The following PRKN variants were observed in gnomAD, a reference collection of about 807,000 sequenced individuals.
The protein encoded by PRKN is parkin RBR E3 ubiquitin protein ligase, also known as E3 ubiquitin-protein ligase parkin.
PRKN carries 56 observed loss-of-function variants against 59.5 expected under a neutral mutation model. The observed-to-expected ratio is 0.94, with a 90% CI of 0.76 to 1.18. PRKN has a LOEUF of 1.18. Ranked by LOEUF, PRKN falls within the 50% of genes most tolerant of loss-of-function variation. PRKN has a pLI of 0.00. For synonymous variants in PRKN, 250 were observed against 222.1 expected (o/e 1.13, Z -1.12); for missense variants, 657 against 596.4 (o/e 1.10, Z -1.06).
At chr6:162,635,130 G>T (rs1219184014) in intron 1 of PRKN, among the ~76,000 whole-genome samples, 1 of 152,088 alleles carries the variant, frequency 6.6e-6, no homozygotes, top group African/African-American at 2.4e-5. Flanking sequence ...ACAGTCCTGG[G>T]TGCTCACAAG....
rs879814492 is a variant in PRKN, at chr6:162,235,990, AAAG to A, written c.412+26532_412+26534del. Reference sequence around the variant, plus strand: ...GAAAGAAAGAAAGAAAGAAAGAAAGAAAGAAAGAAAGAAAGAAAGAAAGAAAGA... The same window carrying A: ...GAAAGAAAGAAAGAAAGAAAGAAAGAAAAGAAAGAAAGAAAGAAAGAAAGA... On this transcript the variant is annotated intron_variant, in intron 3 of 11. Coordinates refer to ENST00000366898, the MANE Select transcript of PRKN (RefSeq NM_004562.3). 0.016 allele frequency among the ~76,000 whole-genome samples: 1,751 copies of A among 108,300 alleles called. 38 individuals carry two copies. The East Asian group carries it at 0.17, about 11-fold the overall frequency. The allele number at this position is 108,300 out of a possible 152,430, so 71.0% of individuals were successfully genotyped here. A position where few individuals can be genotyped will look rare whatever the true frequency, so the allele number is the denominator to read the frequency against.
At chr6:161,443,230 A>G (rs1225025775) in intron 9 of PRKN, among the ~76,000 whole-genome samples, 1 of 151,662 alleles carries the variant, frequency 6.6e-6, no homozygotes, top group Non-Finnish European at 1.5e-5. Flanking sequence ...GAATTGCTTG[A>G]ACCTGGGAGG....
chr6:161,620,157 AT>A (rs1226074668), intron 7 of PRKN, among the ~76,000 whole-genome samples: 503 of 135,560 alleles, frequency 3.7e-3, no homozygotes, highest in Middle Eastern at 8.1e-3. Flanking sequence ...TGCCCAGCTA[AT>A]TTTTTTTTTT....
chr6:161,991,990 C>A (rs1289907762), intron 5 of PRKN, among the ~76,000 whole-genome samples: 1 of 151,910 alleles, frequency 6.6e-6, no homozygotes, highest in South Asian at 2.1e-4. Flanking sequence ...CAAAAGTGGA[C>A]AATAGTAGCT....
chr6:161,709,175 T>C (rs7772203), intron 7 of PRKN, among the ~76,000 whole-genome samples: 60,745 of 152,008 alleles, frequency 0.4, 12,851 homozygotes, highest in Admixed American at 0.59. Context: ...AAAAATAAAA[T>C]AGTAATCCAA....
At chr6:161,693,599 T>C (rs1373717782) in intron 7 of PRKN, among the ~76,000 whole-genome samples, 1 of 152,220 alleles carries the variant, frequency 6.6e-6, no homozygotes, top group Non-Finnish European at 1.5e-5. Flanking sequence ...AGAAACCCTC[T>C]CATTTCTTTC....
At chr6:162,332,771 C>G (rs971416777) in intron 2 of PRKN, among the ~76,000 whole-genome samples, 8 of 152,098 alleles carry the variant, frequency 5.3e-5, no homozygotes, top group Non-Finnish European at 1.2e-4. Context: ...GCACCAACAT[C>G]CACGACAGCC....
intron 1 of PRKN, among the ~76,000 whole-genome samples, chr6:162,546,266 G>A (rs957418866): frequency 6.6e-6 from 1 of 151,844 alleles, no homozygotes; most frequent in African/African-American, 2.4e-5. Flanking sequence ...ACCAGGCCCA[G>A]CTAAATTTGT....
At chr6:162,615,258 T>C (rs1202622287) in intron 1 of PRKN, among the ~76,000 whole-genome samples, 1 of 152,204 alleles carries the variant, frequency 6.6e-6, no homozygotes, top group African/African-American at 2.4e-5. Flanking sequence ...GTTCTATGTT[T>C]TGGCTTATTT....
chr6:162,039,258 T>A (rs1783969531), intron 5 of PRKN, among the ~76,000 whole-genome samples: 1 of 152,206 alleles, frequency 6.6e-6, no homozygotes, highest in African/African-American at 2.4e-5. Context: ...GAATGAACTC[T>A]CTTTCAAGAT....
chr6:162,242,271 G>A (rs992840607), intron 3 of PRKN, among the ~76,000 whole-genome samples: 5 of 152,054 alleles, frequency 3.3e-5, no homozygotes, highest in African/African-American at 1.2e-4. Context: ...TCCAGGAGGT[G>A]CGGGTCCCTT....
At chr6:161,946,412 A>ACTCTCTCT (rs1397205372) in intron 6 of PRKN, among the ~76,000 whole-genome samples, 7 of 94,288 alleles carry the variant, frequency 7.4e-5, no homozygotes, top group African/African-American at 1.9e-4. Flanking sequence ...ACACACACAC[A>ACTCTCTCT]CACTCTCTCT....
chr6:162,639,870 TTATAGTA>T (rs1777894333), intron 1 of PRKN, among the ~76,000 whole-genome samples: 1 of 152,194 alleles, frequency 6.6e-6, no homozygotes, highest in South Asian at 2.1e-4. Flanking sequence ...ATCTAGAGCC[TTATAGTA>T]TTGAGCAACT....
intron 6 of PRKN, among the ~76,000 whole-genome samples, chr6:161,815,081 G>C (rs963398045): frequency 2.0e-5 from 3 of 152,174 alleles, no homozygotes; most frequent in African/African-American, 7.2e-5. Context: ...ACTAAGTCTA[G>C]GGAACAGACC....
chr6:161,577,622 T>C lies in PRKN; in HGVS notation c.872-8206A>G, dbSNP rs561544925. ...GCCATGAAATATTATCTATTCAATT[T>C]CTTACTTGTAGATGAGGCAGTTACC... On this transcript the variant is annotated intron_variant, in intron 7 of 11. Coordinates refer to ENST00000366898, the MANE Select transcript of PRKN (RefSeq NM_004562.3). Among the ~76,000 whole-genome samples, 6 of 152,340 alleles carry C rather than the reference T, an allele frequency of 3.9e-5. No individual in the cohort carries two copies. In the East Asian group the frequency reaches 9.6e-4, roughly 24 times the overall value.
At chr6:162,631,987 A>G (rs1165044495) in intron 1 of PRKN, among the ~76,000 whole-genome samples, 1 of 148,890 alleles carries the variant, frequency 6.7e-6, no homozygotes, top group East Asian at 2.0e-4. Flanking sequence ...TTAAAAAGTA[A>G]AAAAAAAAAA....
chr6:162,385,995 A>T (rs1583479611), intron 2 of PRKN, among the ~76,000 whole-genome samples: 1 of 152,288 alleles, frequency 6.6e-6, no homozygotes, highest in East Asian at 1.9e-4. Flanking sequence ...TGGAAAAATC[A>T]ATTTCTATAA....
rs150975917 is a variant in PRKN at position 161,497,748 on chromosome 6, C to A, written c.1083+51106G>T. On this transcript the variant is annotated intron_variant, in intron 9 of 11. Transcript: ENST00000366898. The surrounding 1 kb of genome is among the most constrained non-coding windows in gnomAD (Gnocchi z 4.6). ...CACATCAAATGCAAACAAGATGAGA[C>A]CAGGATTCTGCCTGGTTCTGTTGCC... Among the ~76,000 whole-genome samples the A allele has an allele frequency of 1.3e-3, 205 of 152,298 alleles. 2 individuals are homozygous for A. In the East Asian group the frequency reaches 0.034, roughly 25 times the overall value.
At chr6:162,217,376 T>A (rs774955219) in intron 3 of PRKN, among the ~76,000 whole-genome samples, 1 of 152,114 alleles carries the variant, frequency 6.6e-6, no homozygotes, top group Non-Finnish European at 1.5e-5. Flanking sequence ...CATTTTTTTG[T>A]TTGTTTATTT....
Sources: gnomAD v4.1 joint callset for allele counts (sites outside exome capture counted in the v4.1 genomes callset) on GRCh38, gnomAD v4.1.1 for gene constraint, Gnocchi (gnomAD v3.1) non-coding constraint, MANE v1.5 for transcripts, NCBI Gene and HGNC (gene_info 2026-07-23, HGNC 2026-07-21) for gene names.